The following NKAIN2 variants were observed in gnomAD, a reference collection of about 807,000 sequenced individuals.
NKAIN2 encodes sodium/potassium-transporting ATPase subunit beta-1-interacting protein 2.
NKAIN2 carries 14 observed loss-of-function variants against 32.6 expected under a neutral mutation model. That is an observed-to-expected ratio of 0.43 (90% confidence interval 0.28 to 0.67). The LOEUF is 0.67. Ranked by LOEUF, NKAIN2 falls within the 30% of genes least tolerant of loss-of-function variation. The pLI is 0.17. For synonymous variants in NKAIN2, 80 were observed against 87.2 expected, an observed-to-expected ratio of 0.92 and a Z score of 0.46; for missense variants, 198 against 258.3, an observed-to-expected ratio of 0.77 and a Z score of 1.60.
intron 2 of NKAIN2, among the ~76,000 whole-genome samples, chr6:124,291,289 A>ATTG (rs1291570677): frequency 6.6e-6 from 1 of 151,832 alleles, no homozygotes; most frequent in Non-Finnish European, 1.5e-5. Flanking sequence ...TATTCATTTT[A>ATTG]TTATTGTTTT....
chr6:124,398,146 G>T (rs960100125), intron 3 of NKAIN2, among the ~76,000 whole-genome samples: 1 of 150,536 alleles, frequency 6.6e-6, no homozygotes, highest in South Asian at 2.1e-4. Flanking sequence ...CCAGCTACTC[G>T]GGAGGCTGAG....
At chr6:124,746,742 A>G (rs1419728458) in intron 4 of NKAIN2, among the ~76,000 whole-genome samples, 1 of 151,794 alleles carries the variant, frequency 6.6e-6, no homozygotes, top group Non-Finnish European at 1.5e-5. Context: ...ACACAAAGAA[A>G]TTTTTCAATG....
In NKAIN2 at chr6:124,169,999, C is replaced by A. The variant is rs978092614; in HGVS notation, c.55-113006C>A. 2.6e-5 allele frequency among the ~76,000 whole-genome samples: 4 copies of A among 152,112 alleles called. 1 individual carries two copies. The highest frequency in any genetic ancestry group is 9.7e-5 in the African/African-American group (4 of 41,410). ...TTTATTAAGAGTGTTTCCTTCCCAA[C>A]AGTAGCCACATCATTTAGGGGCTGA... On this transcript the variant is annotated intron_variant, in intron 1 of 6. Transcript: ENST00000368417.
At chr6:124,437,407 A>T (rs974938080) in intron 3 of NKAIN2, among the ~76,000 whole-genome samples, 3 of 152,170 alleles carry the variant, frequency 2.0e-5, no homozygotes, top group African/African-American at 7.2e-5. Flanking sequence ...ATTTTTGCCA[A>T]TTATTTGATC....
Position 124,807,694 on chromosome 6 carries a change from T to A in NKAIN2, c.536-10693T>A, listed in dbSNP as rs1483807585. 1.0e-4 allele frequency among the ~76,000 whole-genome samples: 15 copies of A among 150,606 alleles called. No individual in the cohort carries two copies. In the East Asian group the frequency reaches 2.2e-3, roughly 22 times the overall value. On this transcript the variant is annotated intron_variant, in intron 5 of 6. Coordinates refer to ENST00000368417, the MANE Select transcript of NKAIN2 (RefSeq NM_001040214.3). ...AAAAACCCTTCAAAAAATTAATGAA[T>A]CCAGGAGCTGGTTTTTTGAAAGGAT...
At chr6:124,374,450 A>G (rs190713769) in intron 3 of NKAIN2, among the ~76,000 whole-genome samples, 1 of 152,252 alleles carries the variant, frequency 6.6e-6, no homozygotes, top group Admixed American at 6.5e-5. Context: ...AAACTCATGG[A>G]AGCTGGTTAG....
At chr6:124,643,251 T>C (rs148612193) in intron 3 of NKAIN2, among the ~76,000 whole-genome samples, 6 of 152,336 alleles carry the variant, frequency 3.9e-5, no homozygotes, top group African/African-American at 1.4e-4. Flanking sequence ...ATCTTTCCAA[T>C]GCTATTCTAT....
rs201082924 is a variant in NKAIN2 at position 124,687,275 on chromosome 6, TAG to T, written c.474+28897_474+28898del. ...TACCTATATATATTCTCTCTATATA[TAG>T]AGAGAGAATATATATATTCTATATA... On this transcript the variant is annotated intron_variant, in intron 4 of 6. Coordinates refer to ENST00000368417, the MANE Select transcript of NKAIN2 (RefSeq NM_001040214.3). Among the ~76,000 whole-genome samples the T allele has an allele frequency of 4.9e-4, 62 of 126,850 alleles. 1 individual carries two copies. Among genetic ancestry groups the T allele is most frequent in the Middle Eastern group, 4.6e-3 (1 of 218 alleles). 83.2% of individuals were successfully genotyped at this position (126,850 alleles called of 152,430 possible).
chr6:124,790,830 A>G (rs975627136), intron 4 of NKAIN2, among the ~76,000 whole-genome samples: 3 of 152,038 alleles, frequency 2.0e-5, no homozygotes, highest in Non-Finnish European at 4.4e-5. Context: ...ATATTGTCTT[A>G]ATTATACTCA....
intron 3 of NKAIN2, among the ~76,000 whole-genome samples, chr6:124,415,665 C>G (rs1257604825): frequency 6.6e-6 from 1 of 152,102 alleles, no homozygotes; most frequent in African/African-American, 2.4e-5. Context: ...CTTCCTTGGT[C>G]TTTCTGGTAA....
intron 4 of NKAIN2, among the ~76,000 whole-genome samples, chr6:124,664,172 G>C (rs1772646725): frequency 6.6e-6 from 1 of 151,960 alleles, no homozygotes; most frequent in Non-Finnish European, 1.5e-5. Context: ...CTACTCGGGA[G>C]GCTGAGGCAG....
At chr6:124,175,569 T>G (rs947148225) in intron 1 of NKAIN2, among the ~76,000 whole-genome samples, 4 of 152,208 alleles carry the variant, frequency 2.6e-5, no homozygotes, top group African/African-American at 9.7e-5. Context: ...AAAGTCTGAT[T>G]GGTTTACAAA....
intron 3 of NKAIN2, among the ~76,000 whole-genome samples, chr6:124,588,234 T>C (rs1238906331): frequency 6.6e-6 from 1 of 152,214 alleles, no homozygotes; most frequent in Non-Finnish European, 1.5e-5. Flanking sequence ...CTGATTGATA[T>C]GACGATGTGT....
At position 124,373,882 on chromosome 6, in the gene NKAIN2, G is replaced by A. The variant is rs189282310; in HGVS notation, c.273+18535G>A. 4.2e-3 allele frequency among the ~76,000 whole-genome samples: 635 copies of A among 152,192 alleles called. 6 individuals are homozygous for A. Among genetic ancestry groups the A allele is most frequent in the African/African-American group, 0.015 (603 of 41,542 alleles). On this transcript the variant is annotated intron_variant, in intron 3 of 6. Coordinates refer to ENST00000368417, the MANE Select transcript of NKAIN2 (RefSeq NM_001040214.3). ...GAAAATGCAGACAGAGAGTAAAGGCGGCTTTTTCATGAGGTCTTGTAGTAA... is the reference window on the plus strand; with the variant it reads ...GAAAATGCAGACAGAGAGTAAAGGCAGCTTTTTCATGAGGTCTTGTAGTAA...
chr6:124,023,236 A>C (rs1231169312), intron 1 of NKAIN2, among the ~76,000 whole-genome samples: 1 of 151,888 alleles, frequency 6.6e-6, no homozygotes, highest in Non-Finnish European at 1.5e-5. Context: ...ACACATACAC[A>C]CACAAGAGTA....
rs1012534229 is a variant in NKAIN2 at position 124,408,412 on chromosome 6, C to T, written c.273+53065C>T. Among the ~76,000 whole-genome samples, 145 of 152,232 alleles carry T rather than the reference C, an allele frequency of 9.5e-4. 1 individual carries two copies. Among genetic ancestry groups the T allele is most frequent in the Middle Eastern group, 3.4e-3 (1 of 294 alleles). On this transcript the variant is annotated intron_variant, in intron 3 of 6. Coordinates refer to ENST00000368417, the MANE Select transcript of NKAIN2 (RefSeq NM_001040214.3). ...AGGGATCCAGTTTCAGCTTTCTACA[C>T]ATGACTAGCCAGTTTTCCCAGCACC...
intron 4 of NKAIN2, among the ~76,000 whole-genome samples, chr6:124,752,676 C>T (rs1250584229): frequency 6.6e-6 from 1 of 151,934 alleles, no homozygotes; most frequent in Non-Finnish European, 1.5e-5. Context: ...CTTGGCTAGA[C>T]TTGTGGGTAG....
At chr6:123,904,230 TAAAAAAA>T (rs1397650932) in intron 1 of NKAIN2, among the ~76,000 whole-genome samples, 1 of 146,134 alleles carries the variant, frequency 6.8e-6, no homozygotes, top group Non-Finnish European at 1.5e-5. Context: ...AAACTCTGCT[TAAAAAAA>T]AAAGAAAAAA....
chr6:123,906,550 C>A (rs1281355567), intron 1 of NKAIN2, among the ~76,000 whole-genome samples: 1 of 152,156 alleles, frequency 6.6e-6, no homozygotes, highest in African/African-American at 2.4e-5. Flanking sequence ...GCCTCAGCCT[C>A]CCAAGGTGCT....
Sources: gnomAD v4.1 joint callset for allele counts (sites outside exome capture counted in the v4.1 genomes callset) on GRCh38, gnomAD v4.1.1 for gene constraint, MANE v1.5 for transcripts, NCBI Gene and HGNC (gene_info 2026-07-23, HGNC 2026-07-21) for gene names.